The following PCDH15 variants were observed in gnomAD, a reference collection of about 807,000 sequenced individuals.
PCDH15 encodes the protein protocadherin-15.
In PCDH15, 129 loss-of-function variants were observed where a neutral mutation model predicts 178.5. That is an observed-to-expected ratio of 0.72 (90% CI 0.63 to 0.84). The LOEUF is 0.84. Among genes scored for constraint, PCDH15 ranks in the 40% least tolerant of loss-of-function variants. The probability of loss-of-function intolerance (pLI) is 0.00; values close to 1 mark genes in which losing one functional copy is unlikely to be tolerated. For missense variants in PCDH15, 2,230 were observed against 2,099.9 expected (o/e 1.06, Z -1.21); for synonymous variants, 800 against 732.0 (o/e 1.09, Z -1.50).
At chr10:53,932,284 T>G (rs143573601) in intron 25 of PCDH15, among the ~76,000 whole-genome samples, 1,677 of 152,354 alleles carry the variant, frequency 0.011, 22 homozygotes, top group African/African-American at 0.022. Flanking sequence ...CATTCACCTG[T>G]GTCCCAAATC....
intron 2 of PCDH15, among the ~76,000 whole-genome samples, chr10:54,528,692 C>T (rs145951867): frequency 8.6e-5 from 13 of 151,932 alleles, no homozygotes; most frequent in African/African-American, 2.7e-4. Context: ...ATTTTTCTTA[C>T]GAAAAGGTAA....
chr10:54,412,364 C>T (rs1195650369), intron 3 of PCDH15, among the ~76,000 whole-genome samples: 1 of 151,774 alleles, frequency 6.6e-6, no homozygotes, highest in African/African-American at 2.4e-5. Context: ...ATAGCTTTTG[C>T]AAGAGATGTT....
intron 2 of PCDH15, among the ~76,000 whole-genome samples, chr10:55,140,275 T>G (rs1838311686): frequency 6.6e-6 from 1 of 151,960 alleles, no homozygotes; most frequent in South Asian, 2.1e-4. Context: ...CATGAAAGTA[T>G]TAAAAGGAAA....
At chr10:55,371,656 C>T (rs1845511875) in intron 2 of PCDH15, among the ~76,000 whole-genome samples, 1 of 152,044 alleles carries the variant, frequency 6.6e-6, no homozygotes, top group South Asian at 2.1e-4. Context: ...CTTGCTTCCC[C>T]TTCACCCTTA....
At position 55,121,366 on chromosome 10, in the gene PCDH15, G is replaced by GT. The variant is rs368883651; in HGVS notation, c.-80+45209_-80+45210insA. 6.8e-3 allele frequency among the ~76,000 whole-genome samples: 1,017 copies of GT among 148,934 alleles called. 12 individuals are homozygous for GT. The highest frequency in any genetic ancestry group is 9.8e-3 in the Non-Finnish European group (656 of 66,700). Reference sequence around the variant, plus strand: ...TTTCACAGGCTCAGAGCTGGGGGGGGGCAATTTGCCTTAGGATGACTTTTG... The same window carrying GT: ...TTTCACAGGCTCAGAGCTGGGGGGGGTGCAATTTGCCTTAGGATGACTTTTG... On this transcript the variant is annotated intron_variant, in intron 2 of 5. Coordinates refer to the PCDH15 transcript ENST00000458638.
chr10:54,406,092 G>C (rs910216370), intron 3 of PCDH15, among the ~76,000 whole-genome samples: 6 of 152,056 alleles, frequency 3.9e-5, no homozygotes, highest in African/African-American at 9.7e-5. Context: ...GAACAGATCT[G>C]CGTACTAAAT....
At chr10:54,089,946 G>T in intron 16 of PCDH15, 38 bp downstream of exon 16, 2 of 1,482,456 alleles carry the variant, frequency 1.3e-6, no homozygotes, top group East Asian at 2.3e-5. Flanking sequence ...GTACGTTGCT[G>T]TACATTTTTT....
intron 26 of PCDH15, among the ~76,000 whole-genome samples, chr10:53,888,920 C>A (rs991285577): frequency 3.3e-5 from 5 of 150,268 alleles, no homozygotes; most frequent in African/African-American, 1.2e-4. Flanking sequence ...GCCTTTACAT[C>A]CATGACCATT....
intron 2 of PCDH15, among the ~76,000 whole-genome samples, chr10:54,653,440 T>C (rs114959108): frequency 0.01 from 1,533 of 152,266 alleles, 27 homozygotes; most frequent in African/African-American, 0.035. Context: ...AAACTGAAGG[T>C]GTGTATTTTT....
chr10:54,601,619 A>C (rs1019232798), intron 2 of PCDH15, among the ~76,000 whole-genome samples: 1 of 151,954 alleles, frequency 6.6e-6, no homozygotes, highest in Non-Finnish European at 1.5e-5. Flanking sequence ...GTCCATTGTA[A>C]GAAGCAGTGT....
At position 53,833,200 on chromosome 10, in the gene PCDH15, G is replaced by T. The variant is rs568157013; in HGVS notation, c.3984-1667C>A. ...CCAGAAGAGGATCATTAATTTAAGGGAAGAATATACCCCTACAATGTGGAG... is the reference window on the plus strand; with the variant it reads ...CCAGAAGAGGATCATTAATTTAAGGTAAGAATATACCCCTACAATGTGGAG... On this transcript the variant is annotated intron_variant, in intron 29 of 37. Coordinates refer to ENST00000644397, the MANE Select transcript of PCDH15 (RefSeq NM_001384140.1). Among the ~76,000 whole-genome samples the T allele has an allele frequency of 5.9e-5, 9 of 152,070 alleles. No homozygotes were observed. In the South Asian group the frequency reaches 1.9e-3, roughly 32 times the overall value.
At chr10:55,583,581 G>T (rs541310458) in intron 2 of PCDH15, among the ~76,000 whole-genome samples, 1 of 152,138 alleles carries the variant, frequency 6.6e-6, no homozygotes, top group African/African-American at 2.4e-5. Context: ...TTACAGGCAT[G>T]TACCACCATG....
rs140130958 is a variant in PCDH15 at position 54,317,462 on chromosome 10, C to A, written c.706-21G>T. On this transcript the variant is annotated intron_variant, in intron 7 of 37. Transcript: ENST00000644397. ...CGGTCCTGTTAGGGAGAAAAACAAA[C>A]AACAGGTAGTTTATAGAAATTAGGC... 2,765 of 1,612,896 alleles carry A rather than the reference C, an allele frequency of 1.7e-3. 54 individuals are homozygous for A. The African/African-American group carries it at 0.031, about 18-fold the overall frequency.
At chr10:55,400,245 T>A (rs1161760778) in intron 2 of PCDH15, among the ~76,000 whole-genome samples, 1 of 152,082 alleles carries the variant, frequency 6.6e-6, no homozygotes, top group Non-Finnish European at 1.5e-5. Flanking sequence ...TACAGCTTGC[T>A]TTGCTCTGGC....
chr10:54,626,576 A>C (rs1222713028), intron 2 of PCDH15, among the ~76,000 whole-genome samples: 1 of 152,174 alleles, frequency 6.6e-6, no homozygotes, highest in Non-Finnish European at 1.5e-5. Flanking sequence ...TCAAGAATTG[A>C]GTTTTGGGAA....
intron 8 of PCDH15, among the ~76,000 whole-genome samples, chr10:54,296,314 G>A (rs567212320): frequency 8.3e-4 from 126 of 152,064 alleles, no homozygotes; most frequent in Non-Finnish European, 1.6e-3. Flanking sequence ...GGGCTGAGCC[G>A]AGGGTAGACA....
At chr10:53,833,235 C>A (rs910501865) in intron 29 of PCDH15, among the ~76,000 whole-genome samples, 2 of 152,008 alleles carry the variant, frequency 1.3e-5, no homozygotes, top group Non-Finnish European at 2.9e-5. Flanking sequence ...GTTCAGTTGA[C>A]AGATCAAAAT....
chr10:55,072,424 C>T (rs1213396862), intron 2 of PCDH15, among the ~76,000 whole-genome samples: 4 of 151,996 alleles, frequency 2.6e-5, no homozygotes, highest in Non-Finnish European at 4.4e-5. Flanking sequence ...ATATCACCAC[C>T]GATCCCATAG....
chr10:55,313,860 C>T (rs1400487204), intron 1 of PCDH15, among the ~76,000 whole-genome samples: 1 of 151,854 alleles, frequency 6.6e-6, no homozygotes, highest in Non-Finnish European at 1.5e-5. Flanking sequence ...AATGTGTATA[C>T]CTATAAAAAT....
Sources: gnomAD v4.1 joint callset for allele counts (sites outside exome capture counted in the v4.1 genomes callset) on GRCh38, gnomAD v4.1.1 for gene constraint, MANE v1.5 for transcripts, NCBI Gene and HGNC (gene_info 2026-07-23, HGNC 2026-07-21) for gene names.